Variants in CTNNBL1 observed in about 807,000 individuals in gnomAD.
CTNNBL1 encodes the protein beta-catenin-like protein 1.
Under a neutral mutation model 72.7 loss-of-function variants are expected in CTNNBL1, and 31 were observed. The observed-to-expected ratio is 0.43, with a 90% CI of 0.32 to 0.58. CTNNBL1 has a LOEUF of 0.58. CTNNBL1 is among the 20% of genes least tolerant of loss of function. The pLI, the probability that CTNNBL1 is intolerant of heterozygous loss-of-function variation, is 0.08. For missense variants in CTNNBL1, 534 were observed against 725.1 expected (o/e 0.74, Z 3.03); for synonymous variants, 240 against 267.3 (o/e 0.90, Z 1.00).
chr20:37,801,853 G>A (rs2073826095), intron 10 of CTNNBL1, among the ~76,000 whole-genome samples: 3 of 152,164 alleles, frequency 2.0e-5, no homozygotes, highest in Admixed American at 2.0e-4. Context: ...TCTAGCCAGG[G>A]CGATTAGGCA....
rs538798671 is a variant in CTNNBL1, at chr20:37,740,697, C to T, written c.326+3213C>T. Among the ~76,000 whole-genome samples the T allele has an allele frequency of 4.6e-5, 7 of 152,292 alleles. 1 individual carries two copies. In the South Asian group the frequency reaches 1.5e-3, roughly 32 times the overall value. Reference sequence around the variant, plus strand: ...AAATTCTGGCAAATACAAGAATAGACAAGCACACATTTCATTAGCCATCAG... The same window carrying T: ...AAATTCTGGCAAATACAAGAATAGATAAGCACACATTTCATTAGCCATCAG... On this transcript the variant is annotated intron_variant, in intron 3 of 15. Coordinates refer to ENST00000361383, the MANE Select transcript of CTNNBL1 (RefSeq NM_030877.5).
rs1177458941 is a variant in CTNNBL1 at position 37,765,275 on chromosome 20, G to A, written c.643G>A (p.Val215Ile). 8 of 1,550,076 alleles carry A rather than the reference G, an allele frequency of 5.2e-6. 1 individual carries two copies. The highest frequency in any genetic ancestry group is 4.8e-5 in the South Asian group (4 of 84,012). ...GTCTGTGAAAGAGGAGGCAGATGGC[G>A]TCCACAACACTCTGGGTGAGAGGAA... Reference protein sequence around the residue: ...DESVKEEADGVHNTLAIVENM... With the variant: ...DESVKEEADGIHNTLAIVENM... Residue 215 changes from valine (V) to isoleucine (I), a missense_variant, in exon 6 of 16, where the codon GTC becomes ATC. Physicochemically the swap from Val to Ile is conservative, Grantham distance 29. Transcript: ENST00000361383.
At chr20:37,720,845 C>A (rs1275017909) in intron 1 of CTNNBL1, among the ~76,000 whole-genome samples, 1 of 152,168 alleles carries the variant, frequency 6.6e-6, no homozygotes, top group Non-Finnish European at 1.5e-5. Flanking sequence ...ATCCTAGGAT[C>A]CCTACTCTTG....
intron 1 of CTNNBL1, among the ~76,000 whole-genome samples, chr20:37,718,962 G>C (rs6020453): frequency 6.6e-6 from 1 of 152,118 alleles, no homozygotes; most frequent in Non-Finnish European, 1.5e-5. Context: ...CTATGGCTTC[G>C]GGCTCAAGTA....
chr20:37,836,497 C>G (rs1198402422), intron 11 of CTNNBL1, among the ~76,000 whole-genome samples: 2 of 152,130 alleles, frequency 1.3e-5, no homozygotes, highest in African/African-American at 4.8e-5. Flanking sequence ...GGCTATGGCT[C>G]TTCTTTGTTT....
At chr20:37,846,464 G>A (rs2072348259) in intron 13 of CTNNBL1, among the ~76,000 whole-genome samples, 1 of 152,140 alleles carries the variant, frequency 6.6e-6, no homozygotes, top group Non-Finnish European at 1.5e-5. Context: ...TGTTTAAGGT[G>A]TATGTCCCAG....
chr20:37,776,497 T>A (rs958909642), intron 7 of CTNNBL1, among the ~76,000 whole-genome samples: 2 of 152,218 alleles, frequency 1.3e-5, no homozygotes, highest in African/African-American at 2.4e-5. Flanking sequence ...TGCTGCTGAT[T>A]AATAATCATT....
chr20:37,757,520 C>T lies in CTNNBL1; in HGVS notation c.467-39C>T, dbSNP rs2073375555. On this transcript the variant is annotated intron_variant, in intron 4 of 15. Transcript: ENST00000361383. ...TCAAGGATTAAGAAAAATACTGGTA[C>T]CGTTTCAGTATGTGTGTTATACCCT... 2.8e-6 allele frequency: 4 copies of T among 1,417,098 alleles called. No individual in the cohort carries two copies. The Admixed American group carries it at 7.0e-5, about 25-fold the overall frequency. The allele number at this position is 1,417,098 out of a possible 1,614,324, so 87.8% of individuals were successfully genotyped here. A position where few individuals can be genotyped will look rare whatever the true frequency, so the allele number is the denominator to read the frequency against.
chr20:37,763,976 G>A (rs576158649), intron 5 of CTNNBL1, among the ~76,000 whole-genome samples: 3 of 152,326 alleles, frequency 2.0e-5, no homozygotes, highest in Middle Eastern at 3.4e-3. Context: ...ATACAAAGAT[G>A]AATGAAGCAA....
intron 11 of CTNNBL1, among the ~76,000 whole-genome samples, chr20:37,836,893 T>C (rs2072259089): frequency 6.6e-6 from 1 of 152,218 alleles, no homozygotes; most frequent in African/African-American, 2.4e-5. Flanking sequence ...GATTTTTTTT[T>C]TCTTCCTCTG....
chr20:37,745,568 G>T (rs186461632), intron 3 of CTNNBL1, among the ~76,000 whole-genome samples: 1 of 152,056 alleles, frequency 6.6e-6, no homozygotes, highest in African/African-American at 2.4e-5. Flanking sequence ...TAACCTTATT[G>T]TCCCTATTTA....
At chr20:37,787,467 C>T (rs550031338) in intron 10 of CTNNBL1, among the ~76,000 whole-genome samples, 2 of 151,012 alleles carry the variant, frequency 1.3e-5, no homozygotes, top group South Asian at 2.1e-4. Flanking sequence ...GCCTCAGCCT[C>T]CCAAGTAGCT....
At chr20:37,694,255 C>T (rs983212645) in intron 1 of CTNNBL1, 103 bp downstream of exon 1, 5 of 1,051,514 alleles carry the variant, frequency 4.8e-6, no homozygotes, top group Non-Finnish European at 6.6e-6. Context: ...ACTCCCGGGC[C>T]CTCTAACTTC....
intron 10 of CTNNBL1, among the ~76,000 whole-genome samples, chr20:37,783,315 C>CAAAATT (rs2122699619): frequency 6.6e-6 from 1 of 152,164 alleles, no homozygotes; most frequent in East Asian, 1.9e-4. Context: ...TGAAACCTAA[C>CAAAATT]TTTTAATTTT....
At position 37,835,276 on chromosome 20, in the gene CTNNBL1, G is replaced by A. The variant is rs558021426; in HGVS notation, c.1214-4826G>A. The stretch of plus-strand genomic sequence containing the variant: ...TCAACCTGCAGATAACAGATCACGG[G>A]CCTTCTCAGTCTCCATAATTGCACA... On this transcript the variant is annotated intron_variant, in intron 11 of 15. Transcript: ENST00000361383. Among the ~76,000 whole-genome samples the A allele has an allele frequency of 4.6e-5, 7 of 152,276 alleles. No individual in the cohort carries two copies. The East Asian group carries it at 1.2e-3, about 25-fold the overall frequency.
intron 10 of CTNNBL1, among the ~76,000 whole-genome samples, chr20:37,782,938 A>T (rs1220984871): frequency 6.6e-6 from 1 of 152,218 alleles, no homozygotes; most frequent in Admixed American, 6.5e-5. Flanking sequence ...TATATTTAAA[A>T]TTTAGTTTCT....
chr20:37,819,039 T>C (rs1157164131), intron 11 of CTNNBL1, among the ~76,000 whole-genome samples: 1 of 152,236 alleles, frequency 6.6e-6, no homozygotes, highest in African/African-American at 2.4e-5. Context: ...CTTTGCGTCA[T>C]TTCCAATACT....
At chr20:37,840,946 A>G (rs2072299155) in intron 12 of CTNNBL1, among the ~76,000 whole-genome samples, 1 of 152,150 alleles carries the variant, frequency 6.6e-6, no homozygotes, top group Non-Finnish European at 1.5e-5. Flanking sequence ...CATTAGATGG[A>G]TTGGGCTATG....
At chr20:37,798,159 A>G (rs1309727874) in intron 10 of CTNNBL1, among the ~76,000 whole-genome samples, 4 of 152,232 alleles carry the variant, frequency 2.6e-5, no homozygotes, top group Non-Finnish European at 5.9e-5. Context: ...CCTGGACTTA[A>G]TATCTGGCAC....
Sources: allele counts gnomAD v4.1 joint callset (sites outside exome capture counted in the v4.1 genomes callset), GRCh38; gene constraint gnomAD v4.1.1; transcripts MANE v1.5; gene names NCBI Gene and HGNC (gene_info 2026-07-23, HGNC 2026-07-21).